Variants in VPS33A observed in about 807,000 individuals in gnomAD.
VPS33A encodes the protein vacuolar protein sorting-associated protein 33A.
A neutral mutation model predicts 71.8 loss-of-function variants in VPS33A; 32 were observed. The ratio of observed to expected loss-of-function variants is 0.45; its 90% CI spans 0.34 to 0.60. The LOEUF (loss-of-function observed/expected upper bound fraction) is 0.60. VPS33A is among the 20% of genes least tolerant of loss of function. VPS33A has a pLI of 0.02. For missense variants in VPS33A, 625 were observed against 748.5 expected (o/e 0.84, Z 1.92); for synonymous variants, 311 against 292.7 (o/e 1.06, Z -0.64).
intron 4 of VPS33A, among the ~76,000 whole-genome samples, chr12:122,254,912 G>A (rs912408413): frequency 1.3e-5 from 2 of 152,048 alleles, no homozygotes; most frequent in Admixed American, 6.5e-5. Flanking sequence ...ATTAGCCAGT[G>A]TGGTGGCTGG....
chr12:122,266,366 A>T lies in VPS33A; in HGVS notation c.43T>A (p.Leu15Met), dbSNP rs761981898. 1.1e-5 allele frequency: 18 copies of T among 1,613,534 alleles called. No individual in the cohort carries two copies. Among genetic ancestry groups the T allele is most frequent in the Non-Finnish European group, 1.5e-5 (18 of 1,179,952 alleles). ...AGCTCGCGACGCACCGCCTCGCGCAACACGTTTAGGTTCACTCGGCCGTAG... is the reference window on the plus strand; with the variant it reads ...AGCTCGCGACGCACCGCCTCGCGCATCACGTTTAGGTTCACTCGGCCGTAG... ...LSYGRVNLNV[L>M]REAVRRELRE... is the part of the protein sequence containing the mutation. The change falls in exon 1 of 13, where the codon TTG (leucine) becomes ATG (methionine). Residue 15 changes from leucine to methionine, a missense_variant. By Grantham distance (15) the Leu-to-Met change is conservative. Coordinates refer to ENST00000267199, the MANE Select transcript of VPS33A (RefSeq NM_022916.6).
At chr12:122,252,150 A>G (rs1954853377) in intron 4 of VPS33A, among the ~76,000 whole-genome samples, 2 of 152,116 alleles carry the variant, frequency 1.3e-5, no homozygotes, top group South Asian at 4.2e-4. Context: ...TGAGCTACTC[A>G]GGAGGGTAAG....
chr12:122,261,951 G>A (rs1187186808), intron 3 of VPS33A, among the ~76,000 whole-genome samples: 1 of 152,132 alleles, frequency 6.6e-6, no homozygotes, highest in African/African-American at 2.4e-5. Flanking sequence ...GCAGTGAGCC[G>A]AGACCACGCC....
chr12:122,233,947 G>GA (rs767815370), intron 11 of VPS33A, among the ~76,000 whole-genome samples: 17 of 152,050 alleles, frequency 1.1e-4, no homozygotes, highest in African/African-American at 1.7e-4. Context: ...TTCCCACCGG[G>GA]AAAAAATCAT....
chr12:122,260,284 GTTTTTTT>G (rs879771128), intron 4 of VPS33A, among the ~76,000 whole-genome samples: 10 of 146,098 alleles, frequency 6.8e-5, no homozygotes, highest in African/African-American at 2.5e-4. Flanking sequence ...GGCATTGTGA[GTTTTTTT>G]TTTTGTTTTT....
chr12:122,263,600 T>C lies in VPS33A; in HGVS notation c.268A>G (p.Met90Val), dbSNP rs1315502712. 12 of 1,612,006 alleles carry C rather than the reference T, an allele frequency of 7.4e-6. No homozygotes were observed. Among genetic ancestry groups the C allele is most frequent in the Non-Finnish European group, 1.0e-5 (12 of 1,178,682 alleles). ...IFFVRPRLEL[M>V]DIIAENVLSE... Reference sequence around the variant, plus strand: ...AGCACGTTTTCAGCGATTATATCCATCAACTCTAGCCTGGGTCTGACAAAA... The same window carrying C: ...AGCACGTTTTCAGCGATTATATCCACCAACTCTAGCCTGGGTCTGACAAAA... Residue 90 changes from methionine to valine, a missense_variant, in exon 3 of 13, where the codon ATG becomes GTG. Coordinates refer to ENST00000267199, the MANE Select transcript of VPS33A (RefSeq NM_022916.6).
At chr12:122,245,971 C>T (rs1226631186) in intron 6 of VPS33A, among the ~76,000 whole-genome samples, 3 of 152,174 alleles carry the variant, frequency 2.0e-5, no homozygotes, top group Non-Finnish European at 2.9e-5. Flanking sequence ...AGCATGGTAT[C>T]CACTTCCTCT....
At position 122,266,422 on chromosome 12, in the gene VPS33A, C is replaced by T; in HGVS notation, c.-14G>A. ...ATGAGCCGCCATCTTGCTCCACCACCCCCTGCCCCACAACGCCAACCGAGT... is the reference window on the plus strand; with the variant it reads ...ATGAGCCGCCATCTTGCTCCACCACTCCCTGCCCCACAACGCCAACCGAGT... On this transcript the variant is annotated 5_prime_UTR_variant, in exon 1 of 13. Transcript: ENST00000267199. 12 of 1,605,098 alleles carry T rather than the reference C, an allele frequency of 7.5e-6. No individual in the cohort carries two copies. Among genetic ancestry groups the T allele is most frequent in the Non-Finnish European group, 1.0e-5 (12 of 1,173,574 alleles).
chr12:122,237,750 G>A lies in VPS33A; in HGVS notation c.1302+837C>T, dbSNP rs577312193. ...AGTAGAGTCAGGGTACAGAGCCACC[G>A]CGCCCGGCCTATAAAGTTTTTCCAA... On this transcript the variant is annotated intron_variant, in intron 10 of 12. Coordinates refer to ENST00000267199, the MANE Select transcript of VPS33A (RefSeq NM_022916.6). 1.3e-4 allele frequency among the ~76,000 whole-genome samples: 17 copies of A among 135,548 alleles called. 1 individual carries two copies. The highest frequency in any genetic ancestry group is 3.2e-5 in the African/African-American group (1 of 31,182). 88.9% of individuals were successfully genotyped at this position (135,548 alleles called of 152,430 possible).
At chr12:122,266,138 C>CT (rs1258270426) in intron 1 of VPS33A, among the ~76,000 whole-genome samples, 169 bp downstream of exon 1, 1 of 152,210 alleles carries the variant, frequency 6.6e-6, no homozygotes, top group Non-Finnish European at 1.5e-5. Context: ...CAGGGCCCCC[C>CT]CCTTCATCGC....
intron 6 of VPS33A, among the ~76,000 whole-genome samples, chr12:122,246,102 C>A (rs1412467916): frequency 1.3e-5 from 2 of 152,136 alleles, no homozygotes; most frequent in Admixed American, 6.6e-5. Context: ...TGGTGTAACT[C>A]TGCAGTAAAG....
At chr12:122,257,715 T>C (rs1236619112) in intron 4 of VPS33A, among the ~76,000 whole-genome samples, 1 of 152,018 alleles carries the variant, frequency 6.6e-6, no homozygotes, top group Non-Finnish European at 1.5e-5. Flanking sequence ...AGTGGAAGAT[T>C]TATGAAGACT....
intron 8 of VPS33A, among the ~76,000 whole-genome samples, chr12:122,240,851 A>G (rs1954704278): frequency 6.6e-6 from 1 of 152,220 alleles, no homozygotes; most frequent in Non-Finnish European, 1.5e-5. Flanking sequence ...AAAGGAAAAA[A>G]GCTGCTGGCC....
rs1221607421 is a variant in VPS33A at position 122,230,445 on chromosome 12, G to C, written c.*1801C>G. The C allele has an allele frequency of 6.6e-6, 1 of 152,194 alleles. No individual in the cohort carries two copies. The highest frequency in any genetic ancestry group is 6.5e-5 in the Admixed American group (1 of 15,268). 9.4% of individuals were successfully genotyped at this position (152,194 alleles called of 1,614,324 possible). A position where few individuals can be genotyped will look rare whatever the true frequency, so the allele number is the denominator to read the frequency against. On this transcript the variant is annotated 3_prime_UTR_variant, in exon 13 of 13. Coordinates refer to ENST00000267199, the MANE Select transcript of VPS33A (RefSeq NM_022916.6). ...AAAATACAAAAATTAGCCAGGTGTG[G>C]TGGTGCACATCTGTAATCCCAGCTA...
At chr12:122,264,387 G>A (rs578085888) in intron 1 of VPS33A, among the ~76,000 whole-genome samples, 188 bp from the exon 2 acceptor site, 2 of 152,162 alleles carry the variant, frequency 1.3e-5, no homozygotes, top group South Asian at 2.1e-4. Context: ...ATTTTTTGGG[G>A]TTTTGCTGTT....
chr12:122,231,448 A>G lies in VPS33A; in HGVS notation c.*798T>C, dbSNP rs1954558861. 6.6e-6 allele frequency: 1 copy of G among 152,210 alleles called. No individual in the cohort carries two copies. The highest frequency in any genetic ancestry group is 2.4e-5 in the African/African-American group (1 of 41,442). The allele number at this position is 152,210 out of a possible 1,614,324, so 9.4% of individuals were successfully genotyped here. On this transcript the variant is annotated 3_prime_UTR_variant, in exon 13 of 13. Coordinates refer to ENST00000267199, the MANE Select transcript of VPS33A (RefSeq NM_022916.6). The stretch of plus-strand genomic sequence containing the variant: ...AATATAATCTCCCACACTCTGCAGG[A>G]AAAAGAAATCTCAACTCAGTGATAA...
rs1342075167 is a variant in VPS33A, at chr12:122,230,133, T to C, written c.*2113A>G. ...AATGAAAATGGTTTTCTTTAAGACATTTCCAAATACTGAATATCAAGGCCA... is the reference window on the plus strand; with the variant it reads ...AATGAAAATGGTTTTCTTTAAGACACTTCCAAATACTGAATATCAAGGCCA... On this transcript the variant is annotated 3_prime_UTR_variant, in exon 13 of 13. Coordinates refer to ENST00000267199, the MANE Select transcript of VPS33A (RefSeq NM_022916.6). 6.6e-6 allele frequency: 1 copy of C among 152,230 alleles called. No homozygotes were observed. Among genetic ancestry groups the C allele is most frequent in the East Asian group, 1.9e-4 (1 of 5,206 alleles). 9.4% of individuals were successfully genotyped at this position (152,230 alleles called of 1,614,324 possible). A position where few individuals can be genotyped will look rare whatever the true frequency, so the allele number is the denominator to read the frequency against.
chr12:122,266,273 G>A, intron 1 of VPS33A, 34 bp downstream of exon 1: 1 of 1,602,914 alleles, frequency 6.2e-7, no homozygotes, highest in Non-Finnish European at 8.5e-7. Context: ...GACCAGGGGA[G>A]GCGAGGGCGG....
chr12:122,240,752 T>G (rs753187365), intron 8 of VPS33A, among the ~76,000 whole-genome samples: 3 of 152,190 alleles, frequency 2.0e-5, no homozygotes, highest in Non-Finnish European at 4.4e-5. Context: ...TCTTCTGAGC[T>G]CTTTCAAAAT....
Sources: allele counts gnomAD v4.1 joint callset (sites outside exome capture counted in the v4.1 genomes callset), GRCh38; gene constraint gnomAD v4.1.1; transcripts MANE v1.5; gene names NCBI Gene and HGNC (gene_info 2026-07-23, HGNC 2026-07-21).